The following NRXN1 variants were observed in gnomAD, a reference collection of about 807,000 sequenced individuals.
NRXN1 encodes the protein neurexin 1.
A neutral mutation model predicts 150.9 loss-of-function variants in NRXN1; 39 were observed. That is an observed-to-expected ratio of 0.26 (90% CI 0.20 to 0.34). The LOEUF is 0.34. NRXN1 is among the 10% of genes least tolerant of loss of function. The pLI is 1.00. For synonymous variants in NRXN1, 924 were observed against 757.0 expected (o/e 1.22, Z -3.62); for missense variants, 1,815 against 1,949.9 (o/e 0.93, Z 1.30).
intron 8 of NRXN1, among the ~76,000 whole-genome samples, chr2:50,595,743 C>T (rs1355981230): frequency 6.6e-6 from 1 of 152,166 alleles, no homozygotes; most frequent in Non-Finnish European, 1.5e-5. Context: ...ATAAGTCTCT[C>T]AGGTGTTTTT....
At chr2:50,650,168 T>G (rs1385816759) in intron 5 of NRXN1, among the ~76,000 whole-genome samples, 2 of 152,066 alleles carry the variant, frequency 1.3e-5, no homozygotes, top group East Asian at 3.9e-4. Context: ...TTATTTAACC[T>G]CTGGTGAGGT....
intron 19 of NRXN1, among the ~76,000 whole-genome samples, chr2:50,061,842 T>C (rs2152646335): frequency 6.6e-6 from 1 of 152,320 alleles, no homozygotes; most frequent in Non-Finnish European, 1.5e-5. Context: ...AGTGACAACA[T>C]ACATGCCTCT....
intron 17 of NRXN1, among the ~76,000 whole-genome samples, chr2:50,276,056 G>T (rs914353669): frequency 1.1e-4 from 16 of 148,138 alleles, no homozygotes; most frequent in African/African-American, 3.7e-4. Flanking sequence ...ACTGCAAAAT[G>T]GAAATATTTA....
intron 21 of NRXN1, chr2:50,023,348 T>C (rs903768573): frequency 6.6e-6 from 1 of 152,260 alleles, no homozygotes; most frequent in African/African-American, 2.4e-5. Context: ...CTGTAAGATA[T>C]AAAGAAACAC....
At chr2:50,457,154 G>A (rs1235009271) in intron 17 of NRXN1, among the ~76,000 whole-genome samples, 1 of 152,096 alleles carries the variant, frequency 6.6e-6, no homozygotes, top group Non-Finnish European at 1.5e-5. Flanking sequence ...GGAAGTTAAT[G>A]ACAGTATGCT....
In NRXN1 at chr2:50,172,827, C is replaced by A. The variant is rs185727135; in HGVS notation, c.3546+63962G>T. On this transcript the variant is annotated intron_variant, in intron 18 of 22. Transcript: ENST00000401669. Reference sequence around the variant, plus strand: ...ACTAAAAATACAAAAATTAGCCAGGCGTGGTAGTGGGCGCCTGTAGTCCCA... The same window carrying A: ...ACTAAAAATACAAAAATTAGCCAGGAGTGGTAGTGGGCGCCTGTAGTCCCA... Among the ~76,000 whole-genome samples the A allele has an allele frequency of 7.5e-3, 1,146 of 152,086 alleles. 9 individuals carry two copies. The highest frequency in any genetic ancestry group is 0.012 in the Non-Finnish European group (800 of 67,978).
intron 17 of NRXN1, among the ~76,000 whole-genome samples, chr2:50,390,039 T>C (rs1310228400): frequency 6.6e-6 from 1 of 152,222 alleles, no homozygotes; most frequent in Admixed American, 6.5e-5. Context: ...TGATTTTATA[T>C]ACTTTCTTCG....
chr2:50,772,543 T>C (rs2105458062), intron 5 of NRXN1, among the ~76,000 whole-genome samples: 1 of 152,176 alleles, frequency 6.6e-6, no homozygotes, highest in African/African-American at 2.4e-5. Flanking sequence ...CAGGAGCTCC[T>C]GTGATATATG....
chr2:50,774,279 A>G (rs1559242395), intron 5 of NRXN1, among the ~76,000 whole-genome samples: 1 of 152,142 alleles, frequency 6.6e-6, no homozygotes, highest in Non-Finnish European at 1.5e-5. Context: ...ACTTACTAAA[A>G]AGCCCCAAAT....
Position 51,008,677 on chromosome 2 carries a change from A to G in NRXN1, c.772+18825T>C, listed in dbSNP as rs187899532. ...TGTATAAAATATACTCAAAGATACT[A>G]AAAGCATCAATATAATAATTTCCTA... On this transcript the variant is annotated intron_variant, in intron 2 of 22. Coordinates refer to ENST00000401669, the MANE Select transcript of NRXN1 (RefSeq NM_001330078.2). 6.6e-3 allele frequency among the ~76,000 whole-genome samples: 995 copies of G among 151,896 alleles called. 14 individuals carry two copies. The highest frequency in any genetic ancestry group is 0.022 in the African/African-American group (924 of 41,532).
At chr2:50,555,342 A>G (rs1668076703) in intron 8 of NRXN1, among the ~76,000 whole-genome samples, 2 of 152,134 alleles carry the variant, frequency 1.3e-5, no homozygotes, top group Non-Finnish European at 1.5e-5. Flanking sequence ...AGCCACCACA[A>G]AGTTGAAGAA....
At chr2:50,447,644 G>GT (rs993462500) in intron 17 of NRXN1, among the ~76,000 whole-genome samples, 5 of 142,726 alleles carry the variant, frequency 3.5e-5, no homozygotes, top group Non-Finnish European at 6.0e-5. Context: ...ATCTCACTTG[G>GT]TTTCTATTAA....
intron 17 of NRXN1, among the ~76,000 whole-genome samples, chr2:50,323,512 T>C (rs1221037214): frequency 6.6e-6 from 1 of 151,844 alleles, no homozygotes; most frequent in Non-Finnish European, 1.5e-5. Context: ...CCCTGCAATG[T>C]TTGGAGGAGA....
At chr2:50,959,676 A>G (rs951135097) in intron 2 of NRXN1, among the ~76,000 whole-genome samples, 1 of 152,058 alleles carries the variant, frequency 6.6e-6, no homozygotes, top group Admixed American at 6.6e-5. Context: ...TGACAGCTGC[A>G]CAATCTTCGG....
At chr2:50,943,998 T>C (rs1689913983) in intron 2 of NRXN1, among the ~76,000 whole-genome samples, 1 of 152,176 alleles carries the variant, frequency 6.6e-6, no homozygotes, top group Non-Finnish European at 1.5e-5. Flanking sequence ...AAAAACCATC[T>C]TGCATCTCTG....
chr2:50,165,597 C>T (rs993442554), intron 18 of NRXN1, among the ~76,000 whole-genome samples: 1 of 152,196 alleles, frequency 6.6e-6, no homozygotes, highest in Non-Finnish European at 1.5e-5. Flanking sequence ...GATACACCCA[C>T]CTCAGCCTCC....
chr2:50,157,741 T>C (rs906663281), intron 18 of NRXN1, among the ~76,000 whole-genome samples: 2 of 151,626 alleles, frequency 1.3e-5, no homozygotes, highest in African/African-American at 4.8e-5. Flanking sequence ...TCCACCAGCG[T>C]TGGGCAGTCT....
At chr2:50,362,006 T>C (rs572205773) in intron 17 of NRXN1, among the ~76,000 whole-genome samples, 18 of 152,278 alleles carry the variant, frequency 1.2e-4, no homozygotes, top group Non-Finnish European at 2.5e-4. Context: ...AAACACATGA[T>C]TATCTCAATA....
intron 17 of NRXN1, among the ~76,000 whole-genome samples, chr2:50,426,564 G>A (rs1262309711): frequency 6.6e-6 from 1 of 152,186 alleles, no homozygotes; most frequent in Non-Finnish European, 1.5e-5. Context: ...AGAGTGGAGA[G>A]AAACTTCAGA....
Sources: allele counts gnomAD v4.1 joint callset (sites outside exome capture counted in the v4.1 genomes callset), GRCh38; gene constraint gnomAD v4.1.1; transcripts MANE v1.5; gene names NCBI Gene and HGNC (gene_info 2026-07-23, HGNC 2026-07-21).